Variants in SLC35B4 observed in about 807,000 individuals in gnomAD.
SLC35B4 encodes solute carrier family 35 member B4, also known as nucleotide sugar transporter SLC35B4.
In SLC35B4, 28 loss-of-function variants were observed where a neutral mutation model predicts 39.5. The observed-to-expected ratio is 0.71, with a 90% CI of 0.53 to 0.97. The LOEUF (loss-of-function observed/expected upper bound fraction) is 0.97. Ranked by LOEUF, SLC35B4 falls within the 50% of genes least tolerant of loss-of-function variation. The pLI, the probability that SLC35B4 is intolerant of heterozygous loss-of-function variation, is 0.00. For synonymous variants in SLC35B4, 145 were observed against 150.4 expected (o/e 0.96, Z 0.26); for missense variants, 334 against 414.3 (o/e 0.81, Z 1.68).
rs371691061 is a variant in SLC35B4 at position 134,300,312 on chromosome 7, A to G, written c.488-51T>C. 1.2e-3 allele frequency: 1,575 copies of G among 1,349,744 alleles called. 3 individuals carry two copies. The highest frequency in any genetic ancestry group is 1.8e-3 in the Middle Eastern group (10 of 5,474). The allele number at this position is 1,349,744 out of a possible 1,614,324, so 83.6% of individuals were successfully genotyped here. On this transcript the variant is annotated intron_variant, in intron 6 of 9. Coordinates refer to ENST00000378509, the MANE Select transcript of SLC35B4 (RefSeq NM_032826.5). Reference sequence around the variant, plus strand: ...GATGTCTGCATTTGTTCATTTCCAGATGTTTTTCTTGAAGAACATTATTGT... The same window carrying G: ...GATGTCTGCATTTGTTCATTTCCAGGTGTTTTTCTTGAAGAACATTATTGT...
intron 1 of SLC35B4, among the ~76,000 whole-genome samples, chr7:134,315,991 G>GCT (rs1208507616): frequency 9.7e-6 from 1 of 103,450 alleles, no homozygotes. Flanking sequence ...TCTTCTACTT[G>GCT]CTTTTTTTTT....
intron 9 of SLC35B4, 48 bp downstream of exon 9, chr7:134,296,343 A>G (rs1803464875): frequency 6.6e-7 from 1 of 1,508,422 alleles, no homozygotes; most frequent in Non-Finnish European, 9.2e-7. Context: ...TCCTGTGCCA[A>G]AAGAACCTGA....
At chr7:134,301,474 T>C (rs1407831310) in intron 6 of SLC35B4, among the ~76,000 whole-genome samples, 1 of 152,188 alleles carries the variant, frequency 6.6e-6, no homozygotes, top group Non-Finnish European at 1.5e-5. Context: ...ACGGATGACA[T>C]TCAAAGGATG....
chr7:134,294,507 C>T lies in SLC35B4; in HGVS notation c.*326G>A, dbSNP rs951202958. ...GAGAAGGGACAATCTTTTCCAAGAC[C>T]ATGGATAGTAAGCCTTTTGTTCAGG... On this transcript the variant is annotated 3_prime_UTR_variant, in exon 10 of 10. Coordinates refer to ENST00000378509, the MANE Select transcript of SLC35B4 (RefSeq NM_032826.5). 19 of 239,626 alleles carry T rather than the reference C, an allele frequency of 7.9e-5. No individual in the cohort carries two copies. The highest frequency in any genetic ancestry group is 4.2e-4 in the African/African-American group (19 of 45,462). The allele number at this position is 239,626 out of a possible 1,614,324, so 14.8% of individuals were successfully genotyped here.
chr7:134,305,867 C>T (rs2117302922), intron 3 of SLC35B4, among the ~76,000 whole-genome samples: 1 of 152,110 alleles, frequency 6.6e-6, no homozygotes, highest in Non-Finnish European at 1.5e-5. Context: ...ATGGGGTTTC[C>T]CATGTTGATC....
Position 134,295,082 on chromosome 7 carries a change from G to T in SLC35B4, c.750-3C>A. 1 of 1,613,564 alleles carries T rather than the reference G, an allele frequency of 6.2e-7. No homozygotes were observed. The highest frequency in any genetic ancestry group is 8.5e-7 in the Non-Finnish European group (1 of 1,179,774). ...ACACACCCCGGATGCACACGTACCT[G>T]GAGGAGTGGAGTCAAGGTAGTTTTC... is the stretch of plus-strand genomic sequence containing the variant. On this transcript the variant is annotated splice_region_variant and splice_polypyrimidine_tract_variant and intron_variant, in intron 9 of 9. Transcript: ENST00000378509.
intron 1 of SLC35B4, among the ~76,000 whole-genome samples, chr7:134,316,193 T>G (rs1038618678): frequency 6.6e-6 from 1 of 152,146 alleles, no homozygotes; most frequent in Non-Finnish European, 1.5e-5. Flanking sequence ...ATGTACAAAG[T>G]CAGACTGCTT....
chr7:134,303,033 A>T (rs1803623746), intron 4 of SLC35B4, among the ~76,000 whole-genome samples: 1 of 152,182 alleles, frequency 6.6e-6, no homozygotes, highest in Admixed American at 6.5e-5. Flanking sequence ...ATAATAATAA[A>T]GGCATGGGTA....
At chr7:134,317,503 T>G (rs968349316), upstream of SLC35B4, among the ~76,000 whole-genome samples, 2 of 152,230 alleles carry the variant, frequency 1.3e-5, no homozygotes, top group Non-Finnish European at 2.9e-5. Context: ...AGGTGATCTA[T>G]TGATATTATC....
chr7:134,311,072 T>C (rs188859028), intron 1 of SLC35B4, among the ~76,000 whole-genome samples: 1 of 152,360 alleles, frequency 6.6e-6, no homozygotes, highest in East Asian at 1.9e-4. Flanking sequence ...CTAGGCTTAC[T>C]AACTGAAACA....
rs1803379887 is a variant in SLC35B4 at position 134,293,478 on chromosome 7, A to AGAT, written c.*1352_*1354dup. ...TCCTCAATACCCATCGAGAATGCTA[A>AGAT]GATACCTCATAGGACAATAACAACT... On this transcript the variant is annotated 3_prime_UTR_variant, in exon 10 of 10. Transcript: ENST00000378509. The AGAT allele has an allele frequency of 6.6e-6, 1 of 152,256 alleles. No homozygotes were observed. The highest frequency in any genetic ancestry group is 2.4e-5 in the African/African-American group (1 of 41,468). 9.4% of individuals were successfully genotyped at this position (152,256 alleles called of 1,614,324 possible).
At chr7:134,302,608 C>T (rs73443140) in intron 4 of SLC35B4, among the ~76,000 whole-genome samples, 2,929 of 152,182 alleles carry the variant, frequency 0.019, 116 homozygotes, top group African/African-American at 0.068. Context: ...TTTTAAATCT[C>T]TGAATGACTT....
Position 134,293,550 on chromosome 7 carries a change from A to G in SLC35B4, c.*1283T>C, listed in dbSNP as rs990971839. 6.6e-6 allele frequency: 1 copy of G among 152,142 alleles called. No individual in the cohort carries two copies. The highest frequency in any genetic ancestry group is 1.5e-5 in the Non-Finnish European group (1 of 68,036). 9.4% of individuals were successfully genotyped at this position (152,142 alleles called of 1,614,324 possible). On this transcript the variant is annotated 3_prime_UTR_variant, in exon 10 of 10. Transcript: ENST00000378509. ...ACCTGATTTACACATCACACACTATATATCTCCATCTATGCATTCCCTTGA... is the reference window on the plus strand; with the variant it reads ...ACCTGATTTACACATCACACACTATGTATCTCCATCTATGCATTCCCTTGA...
At chr7:134,314,605 G>A (rs917804600) in intron 1 of SLC35B4, among the ~76,000 whole-genome samples, 1 of 151,854 alleles carries the variant, frequency 6.6e-6, no homozygotes, top group Non-Finnish European at 1.5e-5. Context: ...GTGCTATCTC[G>A]GCTCACTGCA....
intron 1 of SLC35B4, among the ~76,000 whole-genome samples, chr7:134,315,480 CA>C (rs1803950941): frequency 6.6e-6 from 1 of 152,048 alleles, no homozygotes; most frequent in Non-Finnish European, 1.5e-5. Context: ...TCAACGTATA[CA>C]AACTTTAATT....
rs1803343866 is a variant in SLC35B4, at chr7:134,292,142, C to G, written c.*2691G>C. On this transcript the variant is annotated 3_prime_UTR_variant, in exon 10 of 10. Transcript: ENST00000378509. ...GAGGAGAGACATTTAATAGACATTT[C>G]TCTTCCAGTTAAGTAGGAGTCTGAT... 6.5e-6 allele frequency: 1 copy of G among 154,808 alleles called. No homozygotes were observed. The highest frequency in any genetic ancestry group is 2.4e-5 in the African/African-American group (1 of 41,536). 9.6% of individuals were successfully genotyped at this position (154,808 alleles called of 1,614,324 possible). A position where few individuals can be genotyped will look rare whatever the true frequency, so the allele number is the denominator to read the frequency against.
intron 7 of SLC35B4, 75 bp from the exon 8 acceptor site, chr7:134,299,673 T>A: frequency 7.6e-7 from 1 of 1,307,868 alleles, no homozygotes; most frequent in Non-Finnish European, 1.1e-6. Context: ...TTACAATGAT[T>A]AAAAGTCGTA....
intron 9 of SLC35B4, among the ~76,000 whole-genome samples, chr7:134,295,925 G>T (rs541558934): frequency 1.3e-5 from 2 of 152,252 alleles, no homozygotes; most frequent in African/African-American, 4.8e-5. Context: ...CACCTCTTGG[G>T]TTCAAGCGAT....
At chr7:134,295,491 G>A (rs557650170) in intron 9 of SLC35B4, among the ~76,000 whole-genome samples, 18 of 152,106 alleles carry the variant, frequency 1.2e-4, no homozygotes, top group African/African-American at 3.4e-4. Flanking sequence ...GGTCAATCTC[G>A]ATTCGTTTCA....
Sources: allele counts gnomAD v4.1 joint callset (sites outside exome capture counted in the v4.1 genomes callset), GRCh38; gene constraint gnomAD v4.1.1; transcripts MANE v1.5; gene names NCBI Gene and HGNC (gene_info 2026-07-23, HGNC 2026-07-21).